ATG7: variants seen among roughly 807,000 people sequenced by gnomAD.
ATG7 encodes autophagy related 7, also known as ubiquitin-like modifier-activating enzyme ATG7.
Under a neutral mutation model 82.4 loss-of-function variants are expected in ATG7, and 70 were observed. The ratio of observed to expected loss-of-function variants is 0.85; its 90% CI spans 0.70 to 1.04. The LOEUF (loss-of-function observed/expected upper bound fraction) is 1.04. ATG7 is among the 50% of genes least tolerant of loss of function. The pLI, the probability that ATG7 is intolerant of heterozygous loss-of-function variation, is 0.00. For missense variants in ATG7, 792 were observed against 864.3 expected (o/e 0.92, Z 1.05); for synonymous variants, 287 against 313.0 (o/e 0.92, Z 0.88).
chr3:11,539,424 G>C (rs1025331951), intron 20 of ATG7, among the ~76,000 whole-genome samples: 3 of 152,238 alleles, frequency 2.0e-5, no homozygotes, highest in Non-Finnish European at 1.5e-5. Context: ...AATCAGATCA[G>C]GGTAAGAGAA....
At chr3:11,568,689 G>C in the ATG7 span, 1 of 1,551,656 alleles carries the variant, frequency 6.4e-7, no homozygotes, top group Non-Finnish European at 8.7e-7. The surrounding 1 kb of genome is among the most constrained non-coding windows in gnomAD (Gnocchi z 5.9). Flanking sequence ...ATCACCTCCC[G>C]GCCACTGCTT....
chr3:11,536,562 G>A (rs866458033), intron 20 of ATG7, among the ~76,000 whole-genome samples: 4 of 152,240 alleles, frequency 2.6e-5, no homozygotes, highest in African/African-American at 9.6e-5. Flanking sequence ...CACCTAGGGA[G>A]GATGTTTGTG....
At chr3:11,305,626 C>T (rs760583660) in intron 5 of ATG7, among the ~76,000 whole-genome samples, 2 of 152,330 alleles carry the variant, frequency 1.3e-5, no homozygotes, top group East Asian at 3.9e-4. Flanking sequence ...ATGTCCTCAT[C>T]TCACCTGGAT....
chr3:11,444,040 A>T (rs1436714981), intron 20 of ATG7, among the ~76,000 whole-genome samples: 1 of 152,038 alleles, frequency 6.6e-6, no homozygotes, highest in Non-Finnish European at 1.5e-5. Context: ...ATATAATTCT[A>T]TTTGCCTGAC....
chr3:11,547,245 C>A (rs2071375908), intron 20 of ATG7, among the ~76,000 whole-genome samples: 1 of 152,212 alleles, frequency 6.6e-6, no homozygotes, highest in Non-Finnish European at 1.5e-5. Context: ...ACAAGTTCTG[C>A]TGTTTTCTCT....
At chr3:11,494,538 G>C (rs1350818379) in intron 20 of ATG7, among the ~76,000 whole-genome samples, 1 of 152,228 alleles carries the variant, frequency 6.6e-6, no homozygotes, top group Non-Finnish European at 1.5e-5. Context: ...TTCTGTATGT[G>C]AGGCAGGTGC....
At position 11,533,586 on chromosome 3, in the gene ATG7, C is replaced by CTCTTCTCTGAAA. The variant is rs201145510; in HGVS notation, c.2080-21211_2080-21200dup. Among the ~76,000 whole-genome samples the CTCTTCTCTGAAA allele has an allele frequency of 1.1e-3, 150 of 141,238 alleles. 1 individual carries two copies. In the East Asian group the frequency reaches 0.029, roughly 27 times the overall value. 92.7% of individuals were successfully genotyped at this position (141,238 alleles called of 152,430 possible). A position where few individuals can be genotyped will look rare whatever the true frequency, so the allele number is the denominator to read the frequency against. On this transcript the variant is annotated intron_variant, in intron 20 of 20. Coordinates refer to ENST00000693202, the MANE Select transcript of ATG7 (RefSeq NM_001349232.2). ...TTACACAAATACTTGAAAGCAGAAA[C>CTCTTCTCTGAAA]TCTTCTCTGAAATCTTCTCTGAAAT...
intron 20 of ATG7, among the ~76,000 whole-genome samples, chr3:11,503,919 A>G (rs2091528265): frequency 6.6e-6 from 1 of 152,130 alleles, no homozygotes; most frequent in African/African-American, 2.4e-5. Flanking sequence ...AAAGATGAAA[A>G]GATGGATCAG....
At chr3:11,486,245 G>A (rs1172927590) in intron 20 of ATG7, among the ~76,000 whole-genome samples, 1 of 152,190 alleles carries the variant, frequency 6.6e-6, no homozygotes, top group African/African-American at 2.4e-5. Flanking sequence ...TCTCCTTGAA[G>A]AGGTCCTTCA....
chr3:11,445,745 A>T (rs535562321), intron 20 of ATG7, among the ~76,000 whole-genome samples: 1 of 152,322 alleles, frequency 6.6e-6, no homozygotes, highest in East Asian at 1.9e-4. Context: ...AAAGCAGTTC[A>T]CTGACTTACA....
chr3:11,450,151 A>G (rs1026665934), intron 20 of ATG7, among the ~76,000 whole-genome samples: 1 of 151,468 alleles, frequency 6.6e-6, no homozygotes, highest in Non-Finnish European at 1.5e-5. Context: ...AAATCTTCAC[A>G]ATCACTTTAT....
rs567300862 is a variant in ATG7 at position 11,381,485 on chromosome 3, C to G, written c.1956+1433C>G. ...ATGCAAACACTCATTCATTCTTGTTCTATTTCTAATTAAATTAGCCTTTCA... is the reference window on the plus strand; with the variant it reads ...ATGCAAACACTCATTCATTCTTGTTGTATTTCTAATTAAATTAGCCTTTCA... On this transcript the variant is annotated intron_variant, in intron 19 of 20. Coordinates refer to ENST00000693202, the MANE Select transcript of ATG7 (RefSeq NM_001349232.2). Among the ~76,000 whole-genome samples the G allele has an allele frequency of 3.3e-5, 5 of 152,300 alleles. No individual in the cohort carries two copies. In the South Asian group the frequency reaches 1.0e-3, roughly 32 times the overall value.
intron 19 of ATG7, among the ~76,000 whole-genome samples, chr3:11,390,127 CTCTT>C (rs1163808641): frequency 3.9e-5 from 6 of 152,304 alleles, no homozygotes; most frequent in South Asian, 2.1e-4. Flanking sequence ...CTCAACATCG[CTCTT>C]TCTTAAAGAA....
At chr3:11,526,665 C>A (rs1183100875) in intron 20 of ATG7, among the ~76,000 whole-genome samples, 1 of 152,186 alleles carries the variant, frequency 6.6e-6, no homozygotes, top group Admixed American at 6.6e-5. Context: ...TCCACGTAGA[C>A]AGTGGTATCT....
chr3:11,564,866 G>T, the ATG7 span: 1 of 1,609,286 alleles, frequency 6.2e-7, no homozygotes, highest in Admixed American at 1.7e-5. Flanking sequence ...GGCTGTTCTT[G>T]GTCAGTGCGA....
At chr3:11,557,933 AAAAAAC>A (rs1388025006), downstream of ATG7, 1 of 154,156 alleles carries the variant, frequency 6.5e-6, no homozygotes, top group East Asian at 1.9e-4. Context: ...TCTACATTAA[AAAAAAC>A]AAAAACAGTA....
At chr3:11,435,328 C>CT (rs1374686551) in intron 20 of ATG7, among the ~76,000 whole-genome samples, 2 of 152,140 alleles carry the variant, frequency 1.3e-5, no homozygotes, top group Non-Finnish European at 2.9e-5. Flanking sequence ...AGCCTAATAA[C>CT]TTACCTCCTT....
chr3:11,552,456 G>A (rs776880870), intron 20 of ATG7, among the ~76,000 whole-genome samples: 5 of 152,044 alleles, frequency 3.3e-5, no homozygotes, highest in Admixed American at 6.5e-5. Flanking sequence ...ACACAGCTGC[G>A]GTGAGGACAC....
At chr3:11,506,584 A>AAC (rs2091740563) in intron 20 of ATG7, among the ~76,000 whole-genome samples, 2 of 13,656 alleles carry the variant, frequency 1.5e-4, no homozygotes, top group African/African-American at 4.9e-4. Flanking sequence ...AAAAAAAAAA[A>AAC]CCCAAAAATT....
Sources: allele counts gnomAD v4.1 joint callset (sites outside exome capture counted in the v4.1 genomes callset), GRCh38; gene constraint gnomAD v4.1.1; non-coding constraint Gnocchi (gnomAD v3.1); transcripts MANE v1.5; gene names NCBI Gene and HGNC (gene_info 2026-07-23, HGNC 2026-07-21).